Variants in PCGF5 observed in about 807,000 individuals in gnomAD.
PCGF5 encodes the protein polycomb group ring finger 5.
PCGF5 carries 9 observed loss-of-function variants against 44.3 expected under a neutral mutation model. The ratio of observed to expected loss-of-function variants is 0.20; its 90% CI spans 0.12 to 0.35. The LOEUF is 0.35. PCGF5 is among the 10% of genes least tolerant of loss of function. PCGF5 has a pLI of 1.00. For synonymous variants in PCGF5, 95 were observed against 102.5 expected (o/e 0.93, Z 0.44); for missense variants, 146 against 305.3 (o/e 0.48, Z 3.89).
chr10:91,218,124 G>T (rs1043336415), upstream of PCGF5, among the ~76,000 whole-genome samples: 1 of 152,160 alleles, frequency 6.6e-6, no homozygotes, highest in African/African-American at 2.4e-5. Context: ...TAAGTTCTGG[G>T]ACTTGAGAAG....
chr10:91,252,254 T>C (rs917803179), intron 6 of PCGF5, among the ~76,000 whole-genome samples: 1 of 152,044 alleles, frequency 6.6e-6, no homozygotes, highest in Non-Finnish European at 1.5e-5. Flanking sequence ...CAAATGCCTA[T>C]ATTCATTGTC....
At chr10:91,204,998 A>G (rs1009983171) in intron 1 of PCGF5, among the ~76,000 whole-genome samples, 3 of 152,202 alleles carry the variant, frequency 2.0e-5, no homozygotes, top group Admixed American at 2.0e-4. Flanking sequence ...TATCTAGCAA[A>G]TTTGTAATTT....
chr10:91,230,169 C>T (rs780191231), intron 2 of PCGF5, among the ~76,000 whole-genome samples: 5 of 151,990 alleles, frequency 3.3e-5, no homozygotes, highest in South Asian at 2.1e-4. Flanking sequence ...GGACAACAGA[C>T]GTAAAAGAGT....
chr10:91,210,101 A>G (rs541260552), intron 1 of PCGF5, among the ~76,000 whole-genome samples: 1 of 152,326 alleles, frequency 6.6e-6, no homozygotes, highest in South Asian at 2.1e-4. Flanking sequence ...ATGATTTGCA[A>G]CTTCATATGC....
At chr10:91,274,388 T>C (rs576594854) in intron 9 of PCGF5, among the ~76,000 whole-genome samples, 1 of 152,150 alleles carries the variant, frequency 6.6e-6, no homozygotes, top group Non-Finnish European at 1.5e-5. Context: ...GCCTTAAACA[T>C]AGACATATGA....
chr10:91,251,857 G>C (rs1361195402), intron 6 of PCGF5, among the ~76,000 whole-genome samples: 1 of 151,854 alleles, frequency 6.6e-6, no homozygotes, highest in Non-Finnish European at 1.5e-5. Context: ...TTCCATGTCA[G>C]AGCTAACATA....
chr10:91,175,345 C>A (rs1200231852), intron 1 of PCGF5, among the ~76,000 whole-genome samples: 3 of 152,142 alleles, frequency 2.0e-5, no homozygotes, highest in African/African-American at 4.8e-5. Context: ...CTCCATACTC[C>A]TCCCCAAGCC....
chr10:91,272,239 C>T (rs187032122), intron 9 of PCGF5, among the ~76,000 whole-genome samples: 1 of 152,254 alleles, frequency 6.6e-6, no homozygotes, highest in East Asian at 1.9e-4. Flanking sequence ...GATAAAGATA[C>T]ATTTTAAAAA....
chr10:91,226,407 T>C (rs931643775), intron 2 of PCGF5, among the ~76,000 whole-genome samples: 6 of 151,266 alleles, frequency 4.0e-5, no homozygotes, highest in East Asian at 1.9e-4. Flanking sequence ...AAGAAACTCG[T>C]GTTTTGTGAA....
At chr10:91,270,146 T>G (rs1337810865) in intron 8 of PCGF5, among the ~76,000 whole-genome samples, 1 of 152,216 alleles carries the variant, frequency 6.6e-6, no homozygotes. Context: ...CTATCCAGCC[T>G]TAGCTTTCAT....
chr10:91,247,445 G>A (rs903949782), intron 3 of PCGF5, among the ~76,000 whole-genome samples: 1 of 152,036 alleles, frequency 6.6e-6, no homozygotes, highest in Non-Finnish European at 1.5e-5. Context: ...TAGAAGGAAA[G>A]ATTGAGAAAC....
At chr10:91,268,642 C>A (rs1043521006) in intron 8 of PCGF5, among the ~76,000 whole-genome samples, 10 of 152,116 alleles carry the variant, frequency 6.6e-5, no homozygotes, top group African/African-American at 2.4e-4. Flanking sequence ...ATTCAGATTA[C>A]CCCTTTATCT....
At chr10:91,189,151 G>A (rs1843983368) in intron 1 of PCGF5, among the ~76,000 whole-genome samples, 1 of 152,206 alleles carries the variant, frequency 6.6e-6, no homozygotes, top group African/African-American at 2.4e-5. Context: ...TAATGGCCAT[G>A]GCCTCCATCT....
chr10:91,222,570 A>C (rs921636805), intron 1 of PCGF5, 119 bp from the exon 2 acceptor site: 1 of 462,068 alleles, frequency 2.2e-6, no homozygotes, highest in Non-Finnish European at 3.8e-6. Context: ...GATATGTTCT[A>C]TTCACCTATT....
intron 1 of PCGF5, among the ~76,000 whole-genome samples, chr10:91,185,004 T>C (rs1188567051): frequency 6.6e-6 from 1 of 152,178 alleles, no homozygotes; most frequent in Admixed American, 6.5e-5. Flanking sequence ...ACAGGGGACC[T>C]GCTTACAGAA....
intron 6 of PCGF5, among the ~76,000 whole-genome samples, chr10:91,257,952 G>A (rs938864532): frequency 6.6e-6 from 1 of 152,112 alleles, no homozygotes; most frequent in African/African-American, 2.4e-5. Context: ...AAGGAAATGT[G>A]ATACTATTCA....
At position 91,271,199 on chromosome 10, in the gene PCGF5, C is replaced by T. The variant is rs141173563; in HGVS notation, c.664-439C>T. On this transcript the variant is annotated intron_variant, in intron 8 of 9. Coordinates refer to ENST00000336126, the MANE Select transcript of PCGF5 (RefSeq NM_032373.5). The stretch of plus-strand genomic sequence containing the variant: ...GAAAATAGATGCCTTACAGGTTGAG[C>T]GGAGTTCCACGTCCCTCCCAGAGCT... Among the ~76,000 whole-genome samples the T allele has an allele frequency of 5.1e-4, 77 of 151,910 alleles. No individual in the cohort carries two copies. The East Asian group carries it at 0.014, about 28-fold the overall frequency.
At chr10:91,270,019 T>G (rs1846140484) in intron 8 of PCGF5, among the ~76,000 whole-genome samples, 3 of 152,204 alleles carry the variant, frequency 2.0e-5, no homozygotes, top group Admixed American at 2.0e-4. Context: ...ACTGAAGTGT[T>G]TAGCAGAGTG....
intron 1 of PCGF5, among the ~76,000 whole-genome samples, chr10:91,176,309 G>C (rs1375659706): frequency 4.6e-5 from 7 of 152,110 alleles, no homozygotes; most frequent in Non-Finnish European, 1.0e-4. Flanking sequence ...TCCCTTTGTG[G>C]GTAACCCAAC....
Sources: gnomAD v4.1 joint callset for allele counts (sites outside exome capture counted in the v4.1 genomes callset) on GRCh38, gnomAD v4.1.1 for gene constraint, MANE v1.5 for transcripts, NCBI Gene and HGNC (gene_info 2026-07-23, HGNC 2026-07-21) for gene names.